Variants in LHPP observed in about 807,000 individuals in gnomAD.
The protein encoded by LHPP is phospholysine phosphohistidine inorganic pyrophosphate phosphatase.
LHPP carries 24 observed loss-of-function variants against 30.3 expected under a neutral mutation model. That is an observed-to-expected ratio of 0.79 (90% confidence interval 0.57 to 1.11). The LOEUF (loss-of-function observed/expected upper bound fraction) is 1.11. Ranked by LOEUF, LHPP falls within the 50% of genes most tolerant of loss-of-function variation. The pLI, the probability that LHPP is intolerant of heterozygous loss-of-function variation, is 0.00. For synonymous variants in LHPP, 150 were observed against 157.1 expected (o/e 0.95, Z 0.34); for missense variants, 356 against 367.2 (o/e 0.97, Z 0.25).
intron 6 of LHPP, among the ~76,000 whole-genome samples, chr10:124,537,841 G>T (rs1267718430): frequency 6.6e-6 from 1 of 152,184 alleles, no homozygotes; most frequent in Admixed American, 6.5e-5. Context: ...GGCTTGAGTC[G>T]CCCCGTTATG....
In LHPP at chr10:124,498,017, TCC is replaced by T; in HGVS notation, c.532-17_532-16del. The T allele has an allele frequency of 6.3e-7, 1 of 1,599,968 alleles. No homozygotes were observed. Among genetic ancestry groups the T allele is most frequent in the South Asian group, 1.1e-5 (1 of 90,802 alleles). On this transcript the variant is annotated splice_polypyrimidine_tract_variant and intron_variant, in intron 4 of 6. Transcript: ENST00000368842. ...TCCTTGATCCCAAACTTATGCCATG[TCC>T]CTCTCTCTTTTCCCAGTATGCCTGT...
chr10:124,463,820 C>CTTTTT (rs35122241), intron 1 of LHPP, among the ~76,000 whole-genome samples: 1 of 120,778 alleles, frequency 8.3e-6, no homozygotes, highest in Non-Finnish European at 1.7e-5. Flanking sequence ...ATTTTTTTTT[C>CTTTTT]TTTTTTTTTT....
At chr10:124,471,753 A>G (rs71486701) in intron 1 of LHPP, among the ~76,000 whole-genome samples, 13,059 of 110,902 alleles carry the variant, frequency 0.12, 1,151 homozygotes, top group Non-Finnish European at 0.17. Flanking sequence ...ATATATTTGT[A>G]TATATATATA....
chr10:124,516,626 G>T (rs1322919215), intron 5 of LHPP, among the ~76,000 whole-genome samples: 2 of 152,120 alleles, frequency 1.3e-5, no homozygotes, highest in African/African-American at 4.8e-5. Context: ...AGGTGAGAGA[G>T]TTTATCCCAG....
Position 124,575,237 on chromosome 10 carries a change from C to T in LHPP, c.717-38027C>T, listed in dbSNP as rs142417894. On this transcript the variant is annotated intron_variant, in intron 6 of 6. Coordinates refer to ENST00000368842, the MANE Select transcript of LHPP (RefSeq NM_022126.4). ...ATGTCACCAGTCATGAAGCGGCGTG[C>T]ACCCCTGGTGTGCTGAGAAGGGCAG... Among the ~76,000 whole-genome samples the T allele has an allele frequency of 1.6e-3, 237 of 152,240 alleles. 1 individual carries two copies. Among genetic ancestry groups the T allele is most frequent in the African/African-American group, 5.6e-3 (234 of 41,530 alleles).
chr10:124,509,961 AGAG>A (rs1250626727), intron 5 of LHPP, among the ~76,000 whole-genome samples: 4 of 152,142 alleles, frequency 2.6e-5, no homozygotes, highest in Non-Finnish European at 5.9e-5. Context: ...AGGACACTGA[AGAG>A]GAGACCAGGG....
chr10:124,562,684 C>A (rs1269783061), intron 6 of LHPP, among the ~76,000 whole-genome samples: 3 of 152,166 alleles, frequency 2.0e-5, no homozygotes, highest in Non-Finnish European at 4.4e-5. Flanking sequence ...GTAATCCCAG[C>A]ATTTTGGAAG....
chr10:124,483,189 C>T (rs980725817), intron 1 of LHPP, among the ~76,000 whole-genome samples: 2 of 152,206 alleles, frequency 1.3e-5, no homozygotes, highest in African/African-American at 4.8e-5. Context: ...CACGTCCTGT[C>T]TGTCCATCCC....
chr10:124,578,796 A>C (rs1380745235), intron 6 of LHPP, among the ~76,000 whole-genome samples: 1 of 123,740 alleles, frequency 8.1e-6, no homozygotes, highest in Non-Finnish European at 1.8e-5. Context: ...CCCAGCACCT[A>C]GGGGGCATGG....
chr10:124,555,266 GAC>G (rs1167661920), intron 6 of LHPP, among the ~76,000 whole-genome samples: 1 of 152,206 alleles, frequency 6.6e-6, no homozygotes, highest in Non-Finnish European at 1.5e-5. Flanking sequence ...CTCCTGGCTG[GAC>G]CACAGCCACA....
Position 124,613,310 on chromosome 10 carries a change from G to T in LHPP, c.763G>T (p.Asp255Tyr). ...GGAAGTGAAGGCTGATGGGTACGTG[G>T]ACAACCTCGCAGAGGCAGTGGACCT... ...HPEVKADGYVDNLAEAVDLLL... is the reference protein window; with the variant it reads ...HPEVKADGYVYNLAEAVDLLL... Residue 255 changes from aspartate to tyrosine, a missense_variant, in exon 7 of 7, where the codon GAC becomes TAC. Asp to Tyr is a radical substitution (Grantham distance 160, BLOSUM62 -3). Transcript: ENST00000368842. 6.2e-7 allele frequency: 1 copy of T among 1,613,516 alleles called. No individual in the cohort carries two copies. Among genetic ancestry groups the T allele is most frequent in the African/African-American group, 1.3e-5 (1 of 75,016 alleles).
At chr10:124,485,097 G>A (rs529207255) in intron 2 of LHPP, among the ~76,000 whole-genome samples, 1 of 152,194 alleles carries the variant, frequency 6.6e-6, no homozygotes, top group African/African-American at 2.4e-5. Context: ...CAAGGTGGGG[G>A]CTCTCAAGAA....
chr10:124,608,062 C>T (rs1949118870), intron 6 of LHPP, among the ~76,000 whole-genome samples: 2 of 152,150 alleles, frequency 1.3e-5, no homozygotes, highest in South Asian at 4.1e-4. Context: ...AGAGCCTCGG[C>T]GTAGGAGTGA....
intron 6 of LHPP, among the ~76,000 whole-genome samples, chr10:124,545,709 A>C (rs1318755840): frequency 6.6e-6 from 1 of 152,182 alleles, no homozygotes; most frequent in African/African-American, 2.4e-5. Flanking sequence ...TGCAGGATAA[A>C]GATGAGTTTT....
chr10:124,512,451 C>G (rs1237217298), intron 5 of LHPP, among the ~76,000 whole-genome samples: 1 of 151,872 alleles, frequency 6.6e-6, no homozygotes. Flanking sequence ...CCCGTCTCTA[C>G]TAAAAATACA....
At chr10:124,540,956 T>A (rs1355376062) in intron 6 of LHPP, among the ~76,000 whole-genome samples, 1 of 152,210 alleles carries the variant, frequency 6.6e-6, no homozygotes, top group African/African-American at 2.4e-5. Context: ...AAGGAAAATA[T>A]CTCTGGAACA....
At chr10:124,602,673 G>GA (rs1949038700) in intron 6 of LHPP, among the ~76,000 whole-genome samples, 1 of 152,154 alleles carries the variant, frequency 6.6e-6, no homozygotes, top group Non-Finnish European at 1.5e-5. Flanking sequence ...CAGGCTCTGG[G>GA]CCCTGGGCAC....
chr10:124,568,005 C>T (rs528545258), intron 6 of LHPP, among the ~76,000 whole-genome samples: 2 of 152,328 alleles, frequency 1.3e-5, no homozygotes, highest in South Asian at 2.1e-4. Context: ...CTCCGCCTCC[C>T]GGGTTCAAGC....
chr10:124,483,775 AAAAAT>A (rs1235451247), intron 1 of LHPP, among the ~76,000 whole-genome samples: 3 of 151,852 alleles, frequency 2.0e-5, no homozygotes, highest in African/African-American at 7.3e-5. Context: ...AAGAAATAAA[AAAAAT>A]AAAGAAGTGG....
Sources: gnomAD v4.1 joint callset for allele counts (sites outside exome capture counted in the v4.1 genomes callset) on GRCh38, gnomAD v4.1.1 for gene constraint, MANE v1.5 for transcripts, NCBI Gene and HGNC (gene_info 2026-07-23, HGNC 2026-07-21) for gene names.